Variants in NOC2L observed in about 807,000 individuals in gnomAD.
NOC2L encodes the protein NOC2 like nucleolar associated transcriptional repressor.
In NOC2L, 101 loss-of-function variants were observed where a neutral mutation model predicts 94.2. The observed-to-expected ratio is 1.07, with a 90% CI of 0.91 to 1.26. NOC2L has a LOEUF of 1.26. Among genes scored for constraint, NOC2L ranks in the 50% most tolerant of loss-of-function variants. The probability of loss-of-function intolerance (pLI) is 0.00; values close to 1 mark genes in which losing one functional copy is unlikely to be tolerated. For missense variants in NOC2L, 1,076 were observed against 980.1 expected, an observed-to-expected ratio of 1.10 and a Z score of -1.31; for synonymous variants, 531 against 413.4, an observed-to-expected ratio of 1.28 and a Z score of -3.45.
At chr1:946,095 T>A in intron 16 of NOC2L, 78 bp downstream of exon 16, 2 of 1,097,150 alleles carry the variant, frequency 1.8e-6, no homozygotes, top group Non-Finnish European at 2.7e-6. Context: ...ACCCTCGCCC[T>A]GGTCTCAAGT....
At position 952,495 on chromosome 1, in the gene NOC2L, G is replaced by C. The variant is rs780094847; in HGVS notation, c.1108C>G (p.Pro370Ala). ...AAGGCGTGCTGGTAGGCCACACCCG[G>C]CTCCAGGGCCAGCAGCTCCGTCAAG... ...WTLTELLALE[P>A]GVAYQHAFLY... is the part of the protein sequence containing the mutation. The change falls in exon 10 of 19, where the codon CCG becomes GCG. Residue 370 changes from proline to alanine, a missense_variant. Around this residue, in one of 3 missense-constraint regions of NOC2L, gnomAD observed 615 missense variants for 577.4 expected, o/e 1.07. Coordinates refer to ENST00000327044, the MANE Select transcript of NOC2L (RefSeq NM_015658.4). The C allele has an allele frequency of 1.2e-6, 2 of 1,613,824 alleles. No homozygotes were observed. The highest frequency in any genetic ancestry group is 1.7e-6 in the Non-Finnish European group (2 of 1,180,006).
rs1240276946 is a variant in NOC2L, at chr1:952,245, G to A, written c.1192-106C>T. On this transcript the variant is annotated intron_variant, in intron 10 of 18. Coordinates refer to ENST00000327044, the MANE Select transcript of NOC2L (RefSeq NM_015658.4). ...ATCATTTCCTCATCTTGCACACGGG[G>A]TCTCAACCCATCCACCCTTCCCCCA... is the stretch of plus-strand genomic sequence containing the variant. 4 of 1,441,938 alleles carry A rather than the reference G, an allele frequency of 2.8e-6. No individual in the cohort carries two copies. In the Admixed American group the frequency reaches 7.4e-5, roughly 27 times the overall value. The allele number at this position is 1,441,938 out of a possible 1,614,324, so 89.3% of individuals were successfully genotyped here.
chr1:953,185 G>C lies in NOC2L; in HGVS notation c.992C>G (p.Pro331Arg), dbSNP rs778540310. 1.9e-6 allele frequency: 3 copies of C among 1,611,632 alleles called. No homozygotes were observed. Among genetic ancestry groups the C allele is most frequent in the Non-Finnish European group, 2.5e-6 (3 of 1,178,238 alleles). The change falls in exon 9 of 19, where the codon CCC (proline) becomes CGC (arginine). Residue 331 changes from proline to arginine, a missense_variant. Around this residue, in one of 3 missense-constraint regions of NOC2L, gnomAD observed 615 missense variants for 577.4 expected, o/e 1.07. Coordinates refer to ENST00000327044, the MANE Select transcript of NOC2L (RefSeq NM_015658.4). ...AGGGCCCACCACTACCTTGAGGACG[G>C]GGCCAAGGAAAGTGTCCTTCTTGTG... ...CRHKKDTFLG[P>R]VLKQMYITYV... is the part of the protein sequence containing the mutation.
At chr1:948,061 G>T in intron 14 of NOC2L, 70 bp downstream of exon 14, 3 of 1,287,520 alleles carry the variant, frequency 2.3e-6, no homozygotes, top group African/African-American at 1.5e-5. Context: ...CCTCCTACCA[G>T]CCTGGGGCAG....
At chr1:957,402 T>A in intron 2 of NOC2L, 129 bp from the exon 3 acceptor site, 5 of 885,490 alleles carry the variant, frequency 5.6e-6, no homozygotes, top group Non-Finnish European at 8.5e-6. Context: ...AGGAGGTACG[T>A]TTTTGGCAGA....
chr1:952,495 G>A lies in NOC2L; in HGVS notation c.1108C>T (p.Pro370Ser), dbSNP rs780094847. ...AAGGCGTGCTGGTAGGCCACACCCG[G>A]CTCCAGGGCCAGCAGCTCCGTCAAG... is the stretch of plus-strand genomic sequence containing the variant. ...WTLTELLALEPGVAYQHAFLY... is the reference protein window; with the variant it reads ...WTLTELLALESGVAYQHAFLY... Residue 370 changes from proline to serine, a missense_variant, in exon 10 of 19, where the codon CCG becomes TCG. By Grantham distance (74) the Pro-to-Ser change is moderately conservative. Around this residue, in one of 3 missense-constraint regions of NOC2L, gnomAD observed 615 missense variants for 577.4 expected, o/e 1.07. Transcript: ENST00000327044. The A allele has an allele frequency of 1.1e-5, 17 of 1,613,824 alleles. No individual in the cohort carries two copies. The highest frequency in any genetic ancestry group is 1.4e-5 in the Non-Finnish European group (16 of 1,180,006).
intron 8 of NOC2L, 70 bp downstream of exon 8, chr1:953,712 G>C: frequency 8.7e-7 from 1 of 1,155,898 alleles, no homozygotes; most frequent in South Asian, 1.3e-5. Flanking sequence ...CCAGGAGTGG[G>C]ATGTGGTGGG....
chr1:958,616 TTCCC>T (rs1277036740), intron 2 of NOC2L: 1 of 571,084 alleles, frequency 1.8e-6, no homozygotes, highest in Non-Finnish European at 3.3e-6. Flanking sequence ...TGTCCTTCCT[TTCCC>T]TCCCCAGCAC....
rs1276469650 is a variant in NOC2L at position 953,206 on chromosome 1, T to C, written c.971A>G (p.Lys324Arg). 3.1e-6 allele frequency: 5 copies of C among 1,613,442 alleles called. No homozygotes were observed. Among genetic ancestry groups the C allele is most frequent in the Admixed American group, 1.7e-5 (1 of 60,018 alleles). The change falls in exon 9 of 19, where the codon AAG becomes AGG. Residue 324 changes from lysine to arginine, a missense_variant. By Grantham distance (26) the Lys-to-Arg change is conservative (BLOSUM62 2). Transcript: ENST00000327044. ...FLVLSRVCRH[K>R]KDTFLGPVLK... is the part of the protein sequence containing the mutation. ...GACGGGGCCAAGGAAAGTGTCCTTC[T>C]TGTGCCGGCAGACTCTGCTGAGGAC...
intron 9 of NOC2L, among the ~76,000 whole-genome samples, chr1:952,897 C>T (rs1642297803): frequency 6.6e-6 from 1 of 152,168 alleles, no homozygotes; most frequent in Admixed American, 6.5e-5. Flanking sequence ...GCCTCAGGTC[C>T]CAACACCCAG....
At chr1:952,817 G>A (rs1361552229) in intron 9 of NOC2L, among the ~76,000 whole-genome samples, 2 of 152,204 alleles carry the variant, frequency 1.3e-5, no homozygotes, top group Admixed American at 1.3e-4. Context: ...GCCCCTCTGG[G>A]GGCTGAGGGT....
chr1:947,887 G>A (rs979636045), intron 14 of NOC2L, among the ~76,000 whole-genome samples: 3 of 152,244 alleles, frequency 2.0e-5, no homozygotes, highest in Non-Finnish European at 4.4e-5. Flanking sequence ...CCCACCTGGG[G>A]AGGAGGCTGT....
Position 945,638 on chromosome 1 carries a change from A to G in NOC2L, c.1933T>C (p.Phe645Leu). Reference protein sequence around the residue: ...SGKERLEDLNFPEIKRRKMAD... With the variant: ...SGKERLEDLNLPEIKRRKMAD... The stretch of plus-strand genomic sequence containing the variant: ...ATCTTCCTTCGTTTGATCTCAGGGA[A>G]GTTCAGGTCTTCCAGCTGGAAGGCC... The change falls in exon 17 of 19, where the codon TTC becomes CTC. Residue 645 changes from phenylalanine to leucine, a missense_variant. Physicochemically the swap from Phe to Leu is conservative, Grantham distance 22. Around this residue, in one of 3 missense-constraint regions of NOC2L, gnomAD observed 615 missense variants for 577.4 expected, o/e 1.07. Coordinates refer to ENST00000327044, the MANE Select transcript of NOC2L (RefSeq NM_015658.4). 6.2e-7 allele frequency: 1 copy of G among 1,614,104 alleles called. No individual in the cohort carries two copies. Among genetic ancestry groups the G allele is most frequent in the Non-Finnish European group, 8.5e-7 (1 of 1,179,976 alleles).
chr1:945,304 G>A (rs981960777), intron 17 of NOC2L, 158 bp from the exon 18 acceptor site: 6 of 1,038,522 alleles, frequency 5.8e-6, no homozygotes, highest in East Asian at 2.6e-5. Context: ...GGAGGTCACA[G>A]GCCTGGGGAC....
rs1642126894 is a variant in NOC2L at position 946,660 on chromosome 1, T to C, written c.1660-115A>G. ...CACGGGGATACCCCAGGAGGGGACA[T>C]GGATCCCATCTCAGGGCTCAAGTGC... On this transcript the variant is annotated intron_variant, in intron 14 of 18. Coordinates refer to ENST00000327044, the MANE Select transcript of NOC2L (RefSeq NM_015658.4). The C allele has an allele frequency of 2.3e-5, 29 of 1,270,038 alleles. No homozygotes were observed. The South Asian group carries it at 4.1e-4, about 18-fold the overall frequency. The allele number at this position is 1,270,038 out of a possible 1,614,324, so 78.7% of individuals were successfully genotyped here. A position where few individuals can be genotyped will look rare whatever the true frequency, so the allele number is the denominator to read the frequency against.
chr1:945,225 G>A, intron 17 of NOC2L, 79 bp from the exon 18 acceptor site: 7 of 1,505,178 alleles, frequency 4.7e-6, no homozygotes, highest in Non-Finnish European at 6.3e-6. Flanking sequence ...GCAGGAGGGT[G>A]GCCAGGCTCC....
chr1:948,400 T>C (rs1033915381), intron 13 of NOC2L, 90 bp downstream of exon 13: 21 of 1,113,704 alleles, frequency 1.9e-5, no homozygotes, highest in Non-Finnish European at 2.7e-5. Flanking sequence ...TGCTTGAACT[T>C]GGAGGATGCC....
At chr1:948,289 A>C in intron 13 of NOC2L, 57 bp from the exon 14 acceptor site, 1 of 1,403,826 alleles carries the variant, frequency 7.1e-7, no homozygotes. Context: ...CTGGGCACTC[A>C]GGCCCCTTCC....
chr1:958,848 G>A lies in NOC2L; in HGVS notation c.179+81C>T, dbSNP rs762161475. On this transcript the variant is annotated intron_variant, in intron 2 of 18. Transcript: ENST00000327044. ...TCGGCGATCCTTAGGCCTTGGCCCTGAGACCCCAGGCGAGGTCAGCAACCC... is the reference window on the plus strand; with the variant it reads ...TCGGCGATCCTTAGGCCTTGGCCCTAAGACCCCAGGCGAGGTCAGCAACCC... The A allele has an allele frequency of 1.6e-5, 23 of 1,474,684 alleles. No individual in the cohort carries two copies. The South Asian group carries it at 2.0e-4, about 13-fold the overall frequency. The allele number at this position is 1,474,684 out of a possible 1,614,324, so 91.3% of individuals were successfully genotyped here. A position where few individuals can be genotyped will look rare whatever the true frequency, so the allele number is the denominator to read the frequency against.
Sources: allele counts gnomAD v4.1 joint callset (sites outside exome capture counted in the v4.1 genomes callset), GRCh38; gene constraint gnomAD v4.1.1; regional missense constraint gnomAD v4.1.1; transcripts MANE v1.5; gene names NCBI Gene and HGNC (gene_info 2026-07-23, HGNC 2026-07-21).